Variants in PLCB4 observed in about 807,000 individuals in gnomAD.
PLCB4 encodes phospholipase C beta 4.
A neutral mutation model predicts 178.8 loss-of-function variants in PLCB4; 77 were observed. The ratio of observed to expected loss-of-function variants is 0.43; its 90% CI spans 0.36 to 0.52. The LOEUF (loss-of-function observed/expected upper bound fraction) is 0.52. PLCB4 is among the 20% of genes least tolerant of loss of function. The pLI is 0.00. For missense variants in PLCB4, 1,024 were observed against 1,453.4 expected (o/e 0.70, Z 4.80); for synonymous variants, 496 against 490.8 (o/e 1.01, Z -0.14).
At chr20:9,125,365 TAATG>T (rs1252124499) in intron 2 of PLCB4, among the ~76,000 whole-genome samples, 1 of 152,198 alleles carries the variant, frequency 6.6e-6, no homozygotes, top group Admixed American at 6.5e-5. Context: ...GTATGGAACT[TAATG>T]AATGTGTGTG....
chr20:9,453,633 A>G (rs1179249549), intron 33 of PLCB4, among the ~76,000 whole-genome samples, 171 bp downstream of exon 33: 1 of 152,198 alleles, frequency 6.6e-6, no homozygotes, highest in Non-Finnish European at 1.5e-5. Flanking sequence ...CTCTAACATC[A>G]TAACAGGTCA....
At chr20:9,442,645 G>A (rs1157636746) in intron 30 of PLCB4, among the ~76,000 whole-genome samples, 2 of 152,182 alleles carry the variant, frequency 1.3e-5, no homozygotes, top group Non-Finnish European at 2.9e-5. Flanking sequence ...TTTTACAGAT[G>A]AGAGAGCTGA....
chr20:9,351,406 T>C (rs1179212373), intron 7 of PLCB4, among the ~76,000 whole-genome samples: 1 of 152,220 alleles, frequency 6.6e-6, no homozygotes, highest in African/African-American at 2.4e-5. Context: ...AGAACCAGTG[T>C]GGCACTGAAT....
intron 12 of PLCB4, among the ~76,000 whole-genome samples, chr20:9,374,637 T>G (rs1314967083): frequency 6.6e-6 from 1 of 152,144 alleles, no homozygotes; most frequent in East Asian, 1.9e-4. Context: ...AGCCCTCTCT[T>G]AAACATTACA....
intron 3 of PLCB4, among the ~76,000 whole-genome samples, chr20:9,282,925 A>G (rs1370951026): frequency 1.3e-5 from 2 of 152,042 alleles, no homozygotes; most frequent in Non-Finnish European, 2.9e-5. Context: ...AAAGAGAACA[A>G]GAAGGAAACC....
intron 7 of PLCB4, among the ~76,000 whole-genome samples, chr20:9,342,723 G>T (rs755289686): frequency 8.6e-5 from 13 of 151,400 alleles, no homozygotes; most frequent in Non-Finnish European, 1.8e-4. Context: ...TTTCTTTAAG[G>T]TGGATCTGAG....
intron 2 of PLCB4, among the ~76,000 whole-genome samples, chr20:9,195,361 A>C (rs891036693): frequency 4.6e-5 from 7 of 152,268 alleles, no homozygotes; most frequent in African/African-American, 1.7e-4. Context: ...TTATACGTCA[A>C]CCTGACTCGG....
chr20:9,308,375 G>A (rs2094794971), intron 4 of PLCB4, among the ~76,000 whole-genome samples: 1 of 152,098 alleles, frequency 6.6e-6, no homozygotes, highest in South Asian at 2.1e-4. Context: ...ATCATTTATT[G>A]TCTGTGCCCT....
At chr20:9,338,425 C>A (rs1236180405) in intron 6 of PLCB4, among the ~76,000 whole-genome samples, 1 of 152,102 alleles carries the variant, frequency 6.6e-6, no homozygotes, top group African/African-American at 2.4e-5. Flanking sequence ...TGGCTCACAC[C>A]TCCCAGCACT....
intron 4 of PLCB4, among the ~76,000 whole-genome samples, chr20:9,321,057 G>A (rs1191924501): frequency 6.6e-6 from 1 of 152,186 alleles, no homozygotes; most frequent in Non-Finnish European, 1.5e-5. Flanking sequence ...GCAACACAGA[G>A]AAAAGGGTGA....
intron 7 of PLCB4, among the ~76,000 whole-genome samples, chr20:9,358,408 G>A (rs1369444126): frequency 6.6e-6 from 1 of 152,210 alleles, no homozygotes; most frequent in African/African-American, 2.4e-5. Flanking sequence ...CAAACTTGGA[G>A]AGTGCCACAG....
rs575989814 is a variant in PLCB4, at chr20:9,302,544, T to C, written c.-15-5256T>C. ...AGTTTCAAATTGGGAACACTCAGGA[T>C]ACTCCAACATCATTTTGCCAGAATA... is the stretch of plus-strand genomic sequence containing the variant. On this transcript the variant is annotated intron_variant, in intron 3 of 39. Coordinates refer to ENST00000378473, the MANE Select transcript of PLCB4 (RefSeq NM_001377142.1). 2.0e-5 allele frequency among the ~76,000 whole-genome samples: 3 copies of C among 152,272 alleles called. No individual in the cohort carries two copies. The South Asian group carries it at 6.2e-4, about 32-fold the overall frequency.
rs2038343596 is a variant in PLCB4, at chr20:9,393,760, A to G, written c.1414+82A>G. On this transcript the variant is annotated intron_variant, in intron 18 of 39. Coordinates refer to ENST00000378473, the MANE Select transcript of PLCB4 (RefSeq NM_001377142.1). ...AGCTGTTGAGAATTCAATTTATTTT[A>G]AAACCACTGATTTTTGGGGGAAGGG... 3 of 939,934 alleles carry G rather than the reference A, an allele frequency of 3.2e-6. No homozygotes were observed. In the Admixed American group the frequency reaches 5.8e-5, roughly 18 times the overall value. The allele number at this position is 939,934 out of a possible 1,614,324, so 58.2% of individuals were successfully genotyped here.
chr20:9,203,387 G>A (rs902800384), intron 2 of PLCB4, among the ~76,000 whole-genome samples: 1 of 152,086 alleles, frequency 6.6e-6, no homozygotes, highest in African/African-American at 2.4e-5. Context: ...CTTCCTACCA[G>A]CAGGTTAGAA....
At chr20:9,388,752 C>T (rs2037893073) in intron 15 of PLCB4, among the ~76,000 whole-genome samples, 1 of 152,088 alleles carries the variant, frequency 6.6e-6, no homozygotes. Flanking sequence ...TGTCTAGATG[C>T]TATGCATAGT....
At chr20:9,281,942 A>T (rs2094497968) in intron 3 of PLCB4, among the ~76,000 whole-genome samples, 1 of 152,020 alleles carries the variant, frequency 6.6e-6, no homozygotes, top group Non-Finnish European at 1.5e-5. Context: ...ATACAGCCAA[A>T]TGTTGTACAT....
At chr20:9,247,173 C>T (rs1266734353) in intron 3 of PLCB4, among the ~76,000 whole-genome samples, 1 of 152,042 alleles carries the variant, frequency 6.6e-6, no homozygotes, top group Admixed American at 6.6e-5. Flanking sequence ...TGCCAATGCC[C>T]ATAATTGAAG....
At chr20:9,162,428 C>A (rs188103350) in intron 2 of PLCB4, among the ~76,000 whole-genome samples, 4 of 152,264 alleles carry the variant, frequency 2.6e-5, no homozygotes, top group African/African-American at 9.6e-5. Flanking sequence ...TCTTAACTGT[C>A]ACGTCATGGT....
chr20:9,275,274 C>A (rs1291332084), intron 3 of PLCB4, among the ~76,000 whole-genome samples: 1 of 152,042 alleles, frequency 6.6e-6, no homozygotes, highest in Non-Finnish European at 1.5e-5. Flanking sequence ...CCCATCAGAT[C>A]TCGCAAGACT....
Sources: gnomAD v4.1 joint callset for allele counts (sites outside exome capture counted in the v4.1 genomes callset) on GRCh38, gnomAD v4.1.1 for gene constraint, MANE v1.5 for transcripts, NCBI Gene and HGNC (gene_info 2026-07-23, HGNC 2026-07-21) for gene names.